Variants in LRP1B observed in about 807,000 individuals in gnomAD.
LRP1B encodes low-density lipoprotein receptor-related protein 1B.
Under a neutral mutation model 556.6 loss-of-function variants are expected in LRP1B, and 217 were observed. The observed-to-expected ratio is 0.39, with a 90% CI of 0.35 to 0.44. The LOEUF is 0.44. LRP1B is among the 20% of genes least tolerant of loss of function. The pLI, the probability that LRP1B is intolerant of heterozygous loss-of-function variation, is 1.00. For synonymous variants in LRP1B, 2,047 were observed against 1,865.8 expected, an observed-to-expected ratio of 1.10 and a Z score of -2.50; for missense variants, 5,053 against 5,620.8, an observed-to-expected ratio of 0.90 and a Z score of 3.23.
chr2:141,954,698 C>A (rs1046934292), intron 1 of LRP1B, among the ~76,000 whole-genome samples: 30 of 152,052 alleles, frequency 2.0e-4, no homozygotes, highest in African/African-American at 7.2e-4. Flanking sequence ...ACTGTGCGTT[C>A]ATATCTTCAG....
chr2:140,621,279 T>A (rs503378), intron 41 of LRP1B, among the ~76,000 whole-genome samples: 7,228 of 150,850 alleles, frequency 0.048, 613 homozygotes, highest in African/African-American at 0.16. Flanking sequence ...CCAGGTACTC[T>A]GGAGGCTGAG....
At chr2:141,870,617 T>C (rs776754242) in intron 1 of LRP1B, among the ~76,000 whole-genome samples, 23 of 151,966 alleles carry the variant, frequency 1.5e-4, no homozygotes, top group Non-Finnish European at 2.9e-4. Flanking sequence ...CTTGCTTGCA[T>C]TTACATTTTC....
intron 11 of LRP1B, among the ~76,000 whole-genome samples, chr2:141,024,111 G>A (rs910750673): frequency 1.3e-5 from 2 of 151,938 alleles, no homozygotes; most frequent in Non-Finnish European, 2.9e-5. Context: ...GCCATAAATA[G>A]CTCATATGTA....
chr2:140,312,356 C>T (rs929626764), intron 83 of LRP1B, among the ~76,000 whole-genome samples: 1 of 151,888 alleles, frequency 6.6e-6, no homozygotes, highest in African/African-American at 2.4e-5. Flanking sequence ...AGTTCCATTC[C>T]TCTAAATCAA....
chr2:141,802,449 A>AAAAC (rs751889535), intron 2 of LRP1B, among the ~76,000 whole-genome samples: 40 of 152,206 alleles, frequency 2.6e-4, no homozygotes, highest in East Asian at 7.7e-4. Flanking sequence ...AGTTTTTAGA[A>AAAAC]AAACAAACAA....
chr2:140,455,034 C>A (rs1687039482), intron 62 of LRP1B, among the ~76,000 whole-genome samples: 1 of 152,006 alleles, frequency 6.6e-6, no homozygotes, highest in Non-Finnish European at 1.5e-5. Flanking sequence ...TTTAGAATAA[C>A]CTGGATGGAG....
chr2:141,260,165 A>G (rs550989915), intron 3 of LRP1B, among the ~76,000 whole-genome samples: 2 of 152,310 alleles, frequency 1.3e-5, no homozygotes, highest in East Asian at 1.9e-4. Flanking sequence ...AAAATCTCCA[A>G]CAGATAGTGA....
intron 3 of LRP1B, among the ~76,000 whole-genome samples, chr2:141,475,081 T>C (rs1682646683): frequency 6.6e-6 from 1 of 152,102 alleles, no homozygotes; most frequent in Non-Finnish European, 1.5e-5. Flanking sequence ...TTAAATATAT[T>C]AGCACTTGGG....
At chr2:142,091,235 C>T (rs1706160592) in intron 1 of LRP1B, among the ~76,000 whole-genome samples, 1 of 151,976 alleles carries the variant, frequency 6.6e-6, no homozygotes, top group Non-Finnish European at 1.5e-5. Flanking sequence ...TAGACTTTGG[C>T]AAAAGTATTT....
chr2:140,936,362 A>G (rs1468906680), intron 20 of LRP1B, among the ~76,000 whole-genome samples: 2 of 112,238 alleles, frequency 1.8e-5, no homozygotes, highest in Non-Finnish European at 3.6e-5. Context: ...AAAAAAAAAA[A>G]GAAAGGAAAA....
At chr2:141,333,560 A>G (rs1156414692) in intron 3 of LRP1B, among the ~76,000 whole-genome samples, 1 of 152,208 alleles carries the variant, frequency 6.6e-6, no homozygotes, top group Non-Finnish European at 1.5e-5. Context: ...ATAATAGTAT[A>G]CTATTTTGTA....
chr2:141,819,567 G>A (rs1403649070), intron 1 of LRP1B, among the ~76,000 whole-genome samples: 1 of 152,168 alleles, frequency 6.6e-6, no homozygotes, highest in African/African-American at 2.4e-5. Flanking sequence ...GAAGTAAAAA[G>A]TGGAACAGAG....
At chr2:140,246,625 A>G (rs1681176695) in intron 87 of LRP1B, among the ~76,000 whole-genome samples, 1 of 151,496 alleles carries the variant, frequency 6.6e-6, no homozygotes, top group Admixed American at 6.6e-5. Context: ...ATCTTTATTA[A>G]GAATTGCTTG....
intron 29 of LRP1B, among the ~76,000 whole-genome samples, chr2:140,844,739 C>A (rs756308660): frequency 2.6e-5 from 4 of 152,060 alleles, no homozygotes; most frequent in Non-Finnish European, 4.4e-5. Context: ...CTGAAAAGTC[C>A]TTTATTGCCA....
intron 7 of LRP1B, among the ~76,000 whole-genome samples, chr2:141,086,308 T>C (rs1700045456): frequency 6.6e-6 from 1 of 152,248 alleles, no homozygotes; most frequent in Non-Finnish European, 1.5e-5. Context: ...CTAAATTTCT[T>C]AGAAATTTAT....
At chr2:140,849,326 C>T (rs924551192) in intron 29 of LRP1B, among the ~76,000 whole-genome samples, 3 of 148,786 alleles carry the variant, frequency 2.0e-5, no homozygotes, top group Non-Finnish European at 3.0e-5. Flanking sequence ...GAGCCGAGAT[C>T]GTGCCACTGC....
At chr2:141,053,281 C>T (rs571632844) in intron 10 of LRP1B, among the ~76,000 whole-genome samples, 6 of 151,766 alleles carry the variant, frequency 4.0e-5, no homozygotes, top group Non-Finnish European at 8.8e-5. Flanking sequence ...CCCTTTTTGC[C>T]GCTTCTGCTG....
At chr2:141,180,912 C>G (rs569589939) in intron 7 of LRP1B, among the ~76,000 whole-genome samples, 1 of 151,942 alleles carries the variant, frequency 6.6e-6, no homozygotes, top group South Asian at 2.1e-4. Context: ...CTGGGAAGAA[C>G]AAAGAAAAGA....
chr2:141,739,489 A>G (rs1693618140), intron 2 of LRP1B, among the ~76,000 whole-genome samples: 1 of 152,072 alleles, frequency 6.6e-6, no homozygotes, highest in Non-Finnish European at 1.5e-5. Context: ...GGGAGTCAGA[A>G]GTGGTTTTCA....
Sources: allele counts gnomAD v4.1 joint callset (sites outside exome capture counted in the v4.1 genomes callset), GRCh38; gene constraint gnomAD v4.1.1; transcripts MANE v1.5; gene names NCBI Gene and HGNC (gene_info 2026-07-23, HGNC 2026-07-21).